Variants in BPTF observed in about 807,000 individuals in gnomAD.
BPTF encodes the protein bromodomain PHD finger transcription factor, also known as nucleosome-remodeling factor subunit BPTF.
BPTF carries 18 observed loss-of-function variants against 292.5 expected under a neutral mutation model. The ratio of observed to expected loss-of-function variants is 0.06; its 90% confidence interval spans 0.04 to 0.09. BPTF has a LOEUF of 0.09. Among genes scored for constraint, BPTF ranks in the 10% least tolerant of loss-of-function variants. The pLI, the probability that BPTF is intolerant of heterozygous loss-of-function variation, is 1.00. For missense variants in BPTF, 2,726 were observed against 3,498.7 expected (o/e 0.78, Z 5.57); for synonymous variants, 1,225 against 1,251.9 (o/e 0.98, Z 0.45).
chr17:67,927,996 G>T (rs549831726), intron 15 of BPTF, among the ~76,000 whole-genome samples: 1 of 152,034 alleles, frequency 6.6e-6, no homozygotes, highest in African/African-American at 2.4e-5. Context: ...CAATTCTTCT[G>T]CCTCAGCCTC....
intron 19 of BPTF, among the ~76,000 whole-genome samples, chr17:67,942,147 T>A (rs1423358904): frequency 6.6e-6 from 1 of 151,806 alleles, no homozygotes; most frequent in Non-Finnish European, 1.5e-5. Context: ...GAAACCCCGT[T>A]TCTACTAAAA....
Position 67,950,066 on chromosome 17 carries a change from A to AC in BPTF, c.7926+1760_7926+1761insC, listed in dbSNP as rs199613113. 5.2e-3 allele frequency among the ~76,000 whole-genome samples: 789 copies of AC among 151,042 alleles called. 6 individuals are homozygous for AC. The highest frequency in any genetic ancestry group is 0.014 in the African/African-American group (585 of 41,038). ...GAGACTGTCTCAAAAAAAAAAAAAAAAAAAAACATTTCATAACATATCTTA... is the reference window on the plus strand; with the variant it reads ...GAGACTGTCTCAAAAAAAAAAAAAAACAAAAAACATTTCATAACATATCTTA... On this transcript the variant is annotated intron_variant, in intron 23 of 27. Coordinates refer to ENST00000306378, the MANE Select transcript of BPTF (RefSeq NM_182641.4).
In BPTF at chr17:67,825,794, C is replaced by T. The variant is rs2055934756; in HGVS notation, c.70C>T (p.Pro24Ser). The change falls in exon 1 of 28, where the codon CCG becomes TCG. Residue 24 changes from proline (P) to serine (S), a missense_variant. Physicochemically the swap from Pro to Ser is moderately conservative, Grantham distance 74 (BLOSUM62 -1). Transcript: ENST00000306378. Reference protein sequence around the residue: ...APAAERCAPAPPPPPPPPTSG... With the variant: ...APAAERCAPASPPPPPPPTSG... ...CGCTGCGGAGCGCTGCGCCCCGGCC[C>T]CGCCGCCACCGCCGCCGCCGCCCAC... 10 of 1,030,770 alleles carry T rather than the reference C, an allele frequency of 9.7e-6. No individual in the cohort carries two copies. The highest frequency in any genetic ancestry group is 9.0e-5 in the East Asian group (1 of 11,116). 63.9% of individuals were successfully genotyped at this position (1,030,770 alleles called of 1,614,324 possible). A position where few individuals can be genotyped will look rare whatever the true frequency, so the allele number is the denominator to read the frequency against.
intron 26 of BPTF, among the ~76,000 whole-genome samples, chr17:67,971,620 A>G (rs1246674113): frequency 1.3e-5 from 2 of 152,068 alleles, no homozygotes; most frequent in African/African-American, 2.4e-5. Flanking sequence ...CCTGGCCAAC[A>G]TGGCGAAACC....
chr17:67,939,798 T>C (rs2065220637), intron 18 of BPTF, among the ~76,000 whole-genome samples: 1 of 152,210 alleles, frequency 6.6e-6, no homozygotes, highest in South Asian at 2.1e-4. Context: ...GAGAATCGCT[T>C]GAACCCAGGA....
chr17:67,900,001 G>A (rs188844156), intron 7 of BPTF, among the ~76,000 whole-genome samples: 1 of 152,208 alleles, frequency 6.6e-6, no homozygotes, highest in Admixed American at 6.5e-5. Flanking sequence ...TCTTAACCTG[G>A]TTGCATTTTA....
chr17:67,902,962 T>G (rs2061948764), intron 7 of BPTF, among the ~76,000 whole-genome samples: 1 of 152,204 alleles, frequency 6.6e-6, no homozygotes, highest in South Asian at 2.1e-4. Context: ...ATATTCTGAT[T>G]CATAAAAATC....
intron 1 of BPTF, among the ~76,000 whole-genome samples, chr17:67,843,217 G>T (rs773964244): frequency 2.8e-5 from 4 of 144,510 alleles, no homozygotes; most frequent in Non-Finnish European, 6.0e-5. Flanking sequence ...GATGTATGTA[G>T]ATATATACCT....
At chr17:67,920,377 G>T (rs2063349800) in intron 13 of BPTF, among the ~76,000 whole-genome samples, 1 of 152,180 alleles carries the variant, frequency 6.6e-6, no homozygotes, top group South Asian at 2.1e-4. Context: ...AATACCTCTT[G>T]TAATTAAGAT....
chr17:67,877,392 T>A (rs2060115675), intron 4 of BPTF, among the ~76,000 whole-genome samples: 1 of 152,246 alleles, frequency 6.6e-6, no homozygotes, highest in African/African-American at 2.4e-5. Flanking sequence ...CAAACTCTGT[T>A]ACCACTGTTT....
intron 26 of BPTF, among the ~76,000 whole-genome samples, chr17:67,967,005 CA>C (rs1231324438): frequency 6.6e-6 from 1 of 151,250 alleles, no homozygotes; most frequent in Non-Finnish European, 1.5e-5. Context: ...GAGGCTGAGG[CA>C]GGAGAATCGC....
chr17:67,827,346 C>T (rs1251545712), intron 1 of BPTF, among the ~76,000 whole-genome samples: 1 of 152,126 alleles, frequency 6.6e-6, no homozygotes, highest in South Asian at 2.1e-4. Flanking sequence ...TCCATGGTAA[C>T]CCCTCTTCTG....
intron 26 of BPTF, among the ~76,000 whole-genome samples, chr17:67,970,599 C>A (rs553436870): frequency 6.6e-6 from 1 of 152,124 alleles, no homozygotes; most frequent in East Asian, 1.9e-4. Flanking sequence ...TTTAGAAATG[C>A]ATAGAAAATG....
chr17:67,932,241 T>A (rs1190394297), intron 18 of BPTF, among the ~76,000 whole-genome samples: 3 of 152,072 alleles, frequency 2.0e-5, no homozygotes, highest in Non-Finnish European at 2.9e-5. Context: ...GTAACAGAAA[T>A]CACTAATAAA....
intron 18 of BPTF, among the ~76,000 whole-genome samples, chr17:67,939,434 A>T (rs757916067): frequency 8.5e-5 from 13 of 152,250 alleles, no homozygotes; most frequent in Non-Finnish European, 1.3e-4. Context: ...CCAAAAAATT[A>T]TTCTTAGCAA....
chr17:67,825,580 C>T lies in BPTF; in HGVS notation c.-145C>T, dbSNP rs750957213. On this transcript the variant is annotated 5_prime_UTR_variant, in exon 1 of 28. Transcript: ENST00000306378. ...TGGGGCCCCAGCAATTCGGATTGAGCCTTCTCCCTCCACCCGCTTCCGTCG... is the reference window on the plus strand; with the variant it reads ...TGGGGCCCCAGCAATTCGGATTGAGTCTTCTCCCTCCACCCGCTTCCGTCG... 15 of 421,678 alleles carry T rather than the reference C, an allele frequency of 3.6e-5. No homozygotes were observed. Among genetic ancestry groups the T allele is most frequent in the South Asian group, 1.2e-4 (7 of 57,792 alleles). 26.1% of individuals were successfully genotyped at this position (421,678 alleles called of 1,614,324 possible).
chr17:67,879,144 TTTTTTTTTTC>T (rs984870070), intron 4 of BPTF, among the ~76,000 whole-genome samples: 1 of 139,816 alleles, frequency 7.2e-6, no homozygotes, highest in Non-Finnish European at 1.6e-5. Flanking sequence ...TTCTTTTTTT[TTTTTTTTTTC>T]TTTTTGAGAT....
chr17:67,856,467 C>G (rs1444528212), intron 2 of BPTF, among the ~76,000 whole-genome samples: 18 of 152,068 alleles, frequency 1.2e-4, no homozygotes, highest in Non-Finnish European at 2.4e-4. Flanking sequence ...TTTTCTATTT[C>G]ATATTCAGAT....
At chr17:67,959,402 T>G in intron 23 of BPTF, 139 bp from the exon 24 acceptor site, 1 of 592,724 alleles carries the variant, frequency 1.7e-6, no homozygotes, top group South Asian at 5.4e-5. Context: ...AAACTCTTGT[T>G]TGCAACTAAC....
Sources: gnomAD v4.1 joint callset for allele counts (sites outside exome capture counted in the v4.1 genomes callset) on GRCh38, gnomAD v4.1.1 for gene constraint, MANE v1.5 for transcripts, NCBI Gene and HGNC (gene_info 2026-07-23, HGNC 2026-07-21) for gene names.